SHCBP1: variants seen among roughly 807,000 people sequenced by gnomAD.
SHCBP1 encodes the protein SHC binding and spindle associated 1.
SHCBP1 carries 60 observed loss-of-function variants against 75.1 expected under a neutral mutation model. The ratio of observed to expected loss-of-function variants is 0.80; its 90% CI spans 0.65 to 0.99. The LOEUF is 0.99. Ranked by LOEUF, SHCBP1 falls within the 50% of genes least tolerant of loss-of-function variation. The pLI is 0.00. For synonymous variants in SHCBP1, 290 were observed against 293.2 expected, an observed-to-expected ratio of 0.99 and a Z score of 0.11; for missense variants, 709 against 809.4, an observed-to-expected ratio of 0.88 and a Z score of 1.50.
intron 10 of SHCBP1, among the ~76,000 whole-genome samples, chr16:46,585,510 C>T (rs1964942788): frequency 6.6e-6 from 1 of 152,040 alleles, no homozygotes; most frequent in Non-Finnish European, 1.5e-5. Flanking sequence ...AGTACACCAA[C>T]AGACATACAC....
rs968834473 is a variant in SHCBP1, at chr16:46,603,566, A to T, written c.1186T>A (p.Ser396Thr). Residue 396 changes from serine to threonine, a missense_variant, in exon 8 of 13, where the codon TCC (serine) becomes ACC (threonine). Physicochemically the swap from Ser to Thr is moderately conservative, Grantham distance 58. Coordinates refer to ENST00000303383, the MANE Select transcript of SHCBP1 (RefSeq NM_024745.5). Reference protein sequence around the residue: ...PGHYVVHGTFSIADSIELEGY... With the variant: ...PGHYVVHGTFTIADSIELEGY... ...TCCAACTCAATGGAGTCAGCAATGGAGAAAGTGCCATGTACCACATAATGG... is the reference window on the plus strand; with the variant it reads ...TCCAACTCAATGGAGTCAGCAATGGTGAAAGTGCCATGTACCACATAATGG... The T allele has an allele frequency of 6.2e-7, 1 of 1,614,088 alleles. No individual in the cohort carries two copies. The highest frequency in any genetic ancestry group is 1.3e-5 in the African/African-American group (1 of 74,934).
At chr16:46,591,586 C>G (rs1965048706) in intron 10 of SHCBP1, among the ~76,000 whole-genome samples, 1 of 151,848 alleles carries the variant, frequency 6.6e-6, no homozygotes, top group Non-Finnish European at 1.5e-5. Context: ...ACACCCCTCT[C>G]TCAACAATTG....
chr16:46,614,214 TAAG>T (rs1273245643), intron 4 of SHCBP1, among the ~76,000 whole-genome samples: 1 of 152,168 alleles, frequency 6.6e-6, no homozygotes, highest in East Asian at 1.9e-4. Flanking sequence ...AAACTGTCCG[TAAG>T]ATGTTGGCAG....
intron 4 of SHCBP1, among the ~76,000 whole-genome samples, chr16:46,612,750 G>A (rs921639541): frequency 6.6e-6 from 1 of 151,932 alleles, no homozygotes; most frequent in African/African-American, 2.4e-5. Flanking sequence ...TCCATGACTC[G>A]GCTCCAATAT....
At chr16:46,589,330 C>T (rs1415956561) in intron 10 of SHCBP1, among the ~76,000 whole-genome samples, 1 of 152,166 alleles carries the variant, frequency 6.6e-6, no homozygotes, top group Non-Finnish European at 1.5e-5. Flanking sequence ...CCAGGGCAAT[C>T]AGGCAGGAGA....
intron 4 of SHCBP1, 63 bp from the exon 5 acceptor site, chr16:46,608,452 G>A (rs1965357564): frequency 2.8e-6 from 3 of 1,082,204 alleles, no homozygotes; most frequent in Non-Finnish European, 4.2e-6. Context: ...GATTTTGGAG[G>A]GGTGAGAGCT....
At chr16:46,610,104 C>T (rs1047154997) in intron 4 of SHCBP1, among the ~76,000 whole-genome samples, 1 of 151,996 alleles carries the variant, frequency 6.6e-6, no homozygotes, top group Non-Finnish European at 1.5e-5. Context: ...GCACCCGCCA[C>T]CACGCCCAGC....
rs55869621 is a variant in SHCBP1 at position 46,599,688 on chromosome 16, A to AAAAAAAC, written c.1345+142_1345+143insGTTTTTT. On this transcript the variant is annotated intron_variant, in intron 9 of 12. Coordinates refer to ENST00000303383, the MANE Select transcript of SHCBP1 (RefSeq NM_024745.5). ...AATTTGTAAAAAAAAAAAAAAAAAAAAAAACTCAGCATCGTGAAGTGCAAT... is the reference window on the plus strand; with the variant it reads ...AATTTGTAAAAAAAAAAAAAAAAAAAAAAAAACAAAACTCAGCATCGTGAAGTGCAAT... 43 of 74,622 alleles carry AAAAAAAC rather than the reference A, an allele frequency of 5.8e-4. 7 individuals are homozygous for AAAAAAAC. Among genetic ancestry groups the AAAAAAAC allele is most frequent in the South Asian group, 8.4e-4 (2 of 2,378 alleles). 4.6% of individuals were successfully genotyped at this position (74,622 alleles called of 1,614,324 possible).
At position 46,617,747 on chromosome 16, in the gene SHCBP1, C is replaced by A; in HGVS notation, c.274G>T (p.Asp92Tyr). The A allele has an allele frequency of 6.2e-7, 1 of 1,609,158 alleles. No homozygotes were observed. Among genetic ancestry groups the A allele is most frequent in the South Asian group, 1.1e-5 (1 of 90,866 alleles). ...FRAYQDYILA[D>Y]CKASEVQEFT... Reference sequence around the variant, plus strand: ...TCCTGTACCTCAGAGGCCTTGCAGTCAGCTACAAACAAATTAAACACAGGA... The same window carrying A: ...TCCTGTACCTCAGAGGCCTTGCAGTAAGCTACAAACAAATTAAACACAGGA... Residue 92 changes from aspartate (D) to tyrosine (Y), a missense_variant and splice_region_variant, in exon 3 of 13, where the codon GAC becomes TAC. Physicochemically the swap from Asp to Tyr is radical, Grantham distance 160. Coordinates refer to ENST00000303383, the MANE Select transcript of SHCBP1 (RefSeq NM_024745.5).
At chr16:46,613,339 A>C (rs1024284892) in intron 4 of SHCBP1, among the ~76,000 whole-genome samples, 4 of 152,108 alleles carry the variant, frequency 2.6e-5, no homozygotes, top group Non-Finnish European at 4.4e-5. Flanking sequence ...AAAAAAACAA[A>C]AACACAAAAC....
rs1475167366 is a variant in SHCBP1, at chr16:46,617,736, G to A, written c.285C>T (p.Ala95=). 2 of 1,612,300 alleles carry A rather than the reference G, an allele frequency of 1.2e-6. No individual in the cohort carries two copies. Among genetic ancestry groups the A allele is most frequent in the Non-Finnish European group, 1.7e-6 (2 of 1,179,778 alleles). Residue 95 remains alanine, a synonymous_variant, in exon 3 of 13, where the codon GCC becomes GCT. Coordinates refer to ENST00000303383, the MANE Select transcript of SHCBP1 (RefSeq NM_024745.5). ...CAGCTGTGAATTCCTGTACCTCAGA[G>A]GCCTTGCAGTCAGCTACAAACAAAT... ...YQDYILADCK[A]SEVQEFTAEF...
chr16:46,595,627 C>G lies in SHCBP1; in HGVS notation c.1389G>C (p.Gln463His). Residue 463 changes from glutamine to histidine, a missense_variant, in exon 10 of 13, where the codon CAG (glutamine) becomes CAC (histidine). Gln to His is a conservative substitution (Grantham distance 24). Transcript: ENST00000303383. ...GCACTGTGACTCCGGTCGTCTCACA[C>G]TGCAGCACACAGTTTTCCAGCGTAG... ...GKTTLENCVL[Q>H]CETTGVTVRT... The G allele has an allele frequency of 6.2e-7, 1 of 1,614,186 alleles. No individual in the cohort carries two copies. Among genetic ancestry groups the G allele is most frequent in the South Asian group, 1.1e-5 (1 of 91,082 alleles).
chr16:46,614,405 T>C (rs182238156), intron 4 of SHCBP1, among the ~76,000 whole-genome samples: 2 of 152,348 alleles, frequency 1.3e-5, no homozygotes, highest in East Asian at 3.9e-4. Context: ...TGAAGGAATA[T>C]GGGTCTATTT....
chr16:46,603,532 T>C lies in SHCBP1; in HGVS notation c.1213+7A>G. 1.2e-6 allele frequency: 2 copies of C among 1,614,130 alleles called. No homozygotes were observed. Among genetic ancestry groups the C allele is most frequent in the South Asian group, 1.1e-5 (1 of 91,078 alleles). The stretch of plus-strand genomic sequence containing the variant: ...TGAGAGTTTGGTTGTGTGTCTTCCA[T>C]ACTCACCTTCCAACTCAATGGAGTC... On this transcript the variant is annotated splice_region_variant and intron_variant, in intron 8 of 12. Transcript: ENST00000303383.
chr16:46,585,327 C>T (rs1036250016), intron 10 of SHCBP1, among the ~76,000 whole-genome samples: 4 of 151,966 alleles, frequency 2.6e-5, no homozygotes, highest in Admixed American at 6.6e-5. Flanking sequence ...CTGCTAGGTA[C>T]GACCAAAAAC....
intron 10 of SHCBP1, among the ~76,000 whole-genome samples, chr16:46,587,204 G>A (rs1428663698): frequency 1.3e-5 from 2 of 151,944 alleles, no homozygotes; most frequent in Admixed American, 1.3e-4. Context: ...AGGAGGCAAG[G>A]TTTCTATACT....
In SHCBP1 at chr16:46,616,847, G is replaced by A. The variant is rs1421661946; in HGVS notation, c.388-693C>T. On this transcript the variant is annotated intron_variant, in intron 3 of 12. Transcript: ENST00000303383. This position sits in a 1 kb window ranked among gnomAD's most constrained non-coding sequence, Gnocchi z 4.4. ...TTATCATAACCAAATGAATAGGCCT[G>A]AACTTCAACCAAAAAATATTAGCAC... Among the ~76,000 whole-genome samples, 1 of 152,100 alleles carries A rather than the reference G, an allele frequency of 6.6e-6. No homozygotes were observed. Among genetic ancestry groups the A allele is most frequent in the Non-Finnish European group, 1.5e-5 (1 of 68,022 alleles).
Position 46,616,007 on chromosome 16 carries a change from A to G in SHCBP1, c.535T>C (p.Trp179Arg), listed in dbSNP as rs1214960418. The change falls in exon 4 of 13, where the codon TGG becomes CGG. Residue 179 changes from tryptophan (W) to arginine (R), a missense_variant. Coordinates refer to ENST00000303383, the MANE Select transcript of SHCBP1 (RefSeq NM_024745.5). This position sits in a 1 kb window ranked among gnomAD's most constrained non-coding sequence, Gnocchi z 4.4. ...ACTCCTGAATCATCAAACACCACCC[A>G]CAGCTCCTGCAGGGGCAACCGATGC... ...KEHRLPLQEL[W>R]VVFDDSGVFD... 2 of 1,614,132 alleles carry G rather than the reference A, an allele frequency of 1.2e-6. No homozygotes were observed. Among genetic ancestry groups the G allele is most frequent in the East Asian group, 4.5e-5 (2 of 44,858 alleles).
At chr16:46,582,175 C>A in intron 12 of SHCBP1, 121 bp from the exon 13 acceptor site, 4 of 986,414 alleles carry the variant, frequency 4.1e-6, no homozygotes, top group East Asian at 2.5e-5. Flanking sequence ...GGTTCCCTGA[C>A]CCTCACACAG....
Sources: allele counts gnomAD v4.1 joint callset (sites outside exome capture counted in the v4.1 genomes callset), GRCh38; gene constraint gnomAD v4.1.1; non-coding constraint Gnocchi (gnomAD v3.1); transcripts MANE v1.5; gene names NCBI Gene and HGNC (gene_info 2026-07-23, HGNC 2026-07-21).